Variants in LRRC37A2 observed in about 807,000 individuals in gnomAD.
LRRC37A2 encodes leucine rich repeat containing 37 member A2, also known as leucine-rich repeat-containing protein 37A2.
Under a neutral mutation model 68.8 loss-of-function variants are expected in LRRC37A2, and 9 were observed. The ratio of observed to expected loss-of-function variants is 0.13; its 90% CI spans 0.08 to 0.23. LRRC37A2 has a LOEUF of 0.23. Ranked by LOEUF, LRRC37A2 falls within the 10% of genes least tolerant of loss-of-function variation. The pLI is 1.00. For synonymous variants in LRRC37A2, 63 were observed against 367.6 expected (o/e 0.17, Z 9.48); for missense variants, 168 against 950.4 (o/e 0.18, Z 10.82).
the LRRC37A2 span, among the ~76,000 whole-genome samples, chr17:46,495,418 T>C: frequency 1.3e-5 from 2 of 150,408 alleles, 1 homozygote; most frequent in African/African-American, 5.0e-5. Context: ...AAAATCTTGC[T>C]CTGTTGCCCA....
chr17:46,794,359 T>C, the LRRC37A2 span, among the ~76,000 whole-genome samples: 18,800 of 152,108 alleles, frequency 0.12, 1,292 homozygotes, highest in African/African-American at 0.19. Context: ...TCTATGGGGC[T>C]GAAAGAAGCC....
chr17:46,458,531 CTTTTTTTT>C, the LRRC37A2 span, among the ~76,000 whole-genome samples: 4 of 39,918 alleles, frequency 1.0e-4, no homozygotes, highest in Non-Finnish European at 2.2e-4. Context: ...TCTTCTTCTT[CTTTTTTTT>C]TTTTTTTTTT....
At chr17:46,850,998 C>T in the LRRC37A2 span, among the ~76,000 whole-genome samples, 2 of 152,250 alleles carry the variant, frequency 1.3e-5, no homozygotes, top group African/African-American at 2.4e-5. Context: ...CCTCTCTCCC[C>T]TCTGCCCAAG....
the LRRC37A2 span, among the ~76,000 whole-genome samples, chr17:46,739,812 C>T: frequency 6.6e-6 from 1 of 151,878 alleles, no homozygotes; most frequent in Non-Finnish European, 1.5e-5. Flanking sequence ...AATTCTCATG[C>T]CTCAGCCTCC....
the LRRC37A2 span, among the ~76,000 whole-genome samples, chr17:46,803,966 G>T: frequency 6.6e-6 from 1 of 152,180 alleles, no homozygotes; most frequent in Non-Finnish European, 1.5e-5. Context: ...CAGGTAAAGC[G>T]TGTTTTCCCT....
the LRRC37A2 span, among the ~76,000 whole-genome samples, chr17:46,798,591 A>G: frequency 2.6e-5 from 4 of 152,174 alleles, no homozygotes; most frequent in Admixed American, 2.6e-4. Context: ...GGTTGGATGC[A>G]CACAGTGACT....
At chr17:46,794,198 G>A in the LRRC37A2 span, among the ~76,000 whole-genome samples, 1 of 152,094 alleles carries the variant, frequency 6.6e-6, no homozygotes, top group African/African-American at 2.4e-5. Context: ...TCAGGGGACT[G>A]TGCCCTGAGA....
At chr17:46,972,414 C>G in the LRRC37A2 span, among the ~76,000 whole-genome samples, 1 of 152,226 alleles carries the variant, frequency 6.6e-6, no homozygotes, top group Non-Finnish European at 1.5e-5. Flanking sequence ...GGAAGGAGAA[C>G]CTGGGACAGG....
At chr17:46,820,076 G>T in the LRRC37A2 span, among the ~76,000 whole-genome samples, 1 of 152,250 alleles carries the variant, frequency 6.6e-6, no homozygotes, top group Admixed American at 6.5e-5. Flanking sequence ...GTTCCACGAG[G>T]TGAGGGCCAT....
At chr17:46,921,481 T>C in the LRRC37A2 span, among the ~76,000 whole-genome samples, 1 of 152,050 alleles carries the variant, frequency 6.6e-6, no homozygotes, top group South Asian at 2.1e-4. Context: ...AATTGACAAA[T>C]GGGATCTAAT....
the LRRC37A2 span, among the ~76,000 whole-genome samples, chr17:46,796,214 G>C: frequency 6.6e-6 from 1 of 152,094 alleles, no homozygotes; most frequent in Non-Finnish European, 1.5e-5. Context: ...AAGAGGCTGC[G>C]GGGAGGAAGA....
chr17:46,790,944 A>G, the LRRC37A2 span, among the ~76,000 whole-genome samples: 20 of 152,306 alleles, frequency 1.3e-4, no homozygotes, highest in East Asian at 3.9e-3. Flanking sequence ...CGTCATCTGG[A>G]ACCCCCTGCC....
chr17:46,918,075 T>TTTTG, the LRRC37A2 span, among the ~76,000 whole-genome samples: 41 of 152,210 alleles, frequency 2.7e-4, no homozygotes, highest in South Asian at 7.9e-3. Flanking sequence ...TATAACACAG[T>TTTTG]TTTGTTTGTT....
the LRRC37A2 span, among the ~76,000 whole-genome samples, chr17:46,781,612 C>G: frequency 6.6e-6 from 1 of 152,134 alleles, no homozygotes; most frequent in African/African-American, 2.4e-5. Flanking sequence ...TGGGAAGTTA[C>G]TGCTTAATAA....
At chr17:46,813,157 C>T in the LRRC37A2 span, among the ~76,000 whole-genome samples, 1 of 151,854 alleles carries the variant, frequency 6.6e-6, no homozygotes, top group Non-Finnish European at 1.5e-5. Context: ...GGTGGACTGT[C>T]TAATACAGGC....
chr17:46,490,622 GC>G, the LRRC37A2 span, among the ~76,000 whole-genome samples: 1 of 150,036 alleles, frequency 6.7e-6, no homozygotes, highest in Admixed American at 6.6e-5. Flanking sequence ...TACTTGGGAG[GC>G]TGAGGCAGGA....
the LRRC37A2 span, among the ~76,000 whole-genome samples, chr17:46,409,393 C>A: frequency 6.7e-6 from 1 of 149,100 alleles, no homozygotes; most frequent in East Asian, 2.0e-4. Flanking sequence ...AATTCTCATA[C>A]CTCAGTCTCC....
At chr17:46,942,224 C>T in the LRRC37A2 span, among the ~76,000 whole-genome samples, 1 of 152,240 alleles carries the variant, frequency 6.6e-6, no homozygotes, top group Non-Finnish European at 1.5e-5. Flanking sequence ...GAAACGTCAT[C>T]TGTTACTGTC....
At chr17:46,748,563 A>G in the LRRC37A2 span, among the ~76,000 whole-genome samples, 1 of 152,134 alleles carries the variant, frequency 6.6e-6, no homozygotes, top group African/African-American at 2.4e-5. Context: ...CAGCATAGAC[A>G]GGGGAATAGA....
Sources: gnomAD v4.1 joint callset for allele counts (sites outside exome capture counted in the v4.1 genomes callset) on GRCh38, gnomAD v4.1.1 for gene constraint, MANE v1.5 for transcripts, NCBI Gene and HGNC (gene_info 2026-07-23, HGNC 2026-07-21) for gene names.